FAF1: variants seen among roughly 807,000 people sequenced by gnomAD.
FAF1 encodes FAS-associated factor 1.
A neutral mutation model predicts 92.5 loss-of-function variants in FAF1; 25 were observed. The ratio of observed to expected loss-of-function variants is 0.27; its 90% CI spans 0.20 to 0.38. FAF1 has a LOEUF of 0.38. FAF1 is among the 10% of genes least tolerant of loss of function. The pLI is 1.00. For missense variants in FAF1, 636 were observed against 793.3 expected (o/e 0.80, Z 2.38); for synonymous variants, 234 against 273.2 (o/e 0.86, Z 1.42).
intron 7 of FAF1, among the ~76,000 whole-genome samples, chr1:50,671,515 C>T (rs1360939882): frequency 6.6e-6 from 1 of 152,068 alleles, no homozygotes; most frequent in African/African-American, 2.4e-5. Flanking sequence ...AGCATGATTA[C>T]ATTGAATTAG....
intron 1 of FAF1, among the ~76,000 whole-genome samples, chr1:50,927,883 T>C (rs1645018457): frequency 1.3e-5 from 2 of 152,186 alleles, no homozygotes. Context: ...TCTCCTCTTT[T>C]TCTTTTTTCT....
At chr1:50,937,218 G>C (rs528853555) in intron 1 of FAF1, among the ~76,000 whole-genome samples, 14 of 152,156 alleles carry the variant, frequency 9.2e-5, no homozygotes, top group African/African-American at 3.4e-4. Flanking sequence ...ACAACTAGGT[G>C]AAAGTCCACT....
chr1:50,932,782 C>T (rs1020258391), intron 1 of FAF1, among the ~76,000 whole-genome samples: 2 of 152,238 alleles, frequency 1.3e-5, no homozygotes, highest in African/African-American at 4.8e-5. Flanking sequence ...AGGTTCTCCA[C>T]GAGAGCCCCA....
chr1:50,709,982 C>T (rs1293653837), intron 6 of FAF1, among the ~76,000 whole-genome samples: 1 of 152,042 alleles, frequency 6.6e-6, no homozygotes, highest in East Asian at 1.9e-4. Context: ...TATTAAGAAA[C>T]GTGTTAGAAA....
intron 8 of FAF1, chr1:50,612,476 T>C: frequency 1.1e-5 from 12 of 1,078,904 alleles, no homozygotes; most frequent in Non-Finnish European, 1.4e-5. Context: ...TATGCAAGGA[T>C]ACATCTCAAG....
At chr1:50,497,822 A>G (rs1448949385) in intron 15 of FAF1, among the ~76,000 whole-genome samples, 1 of 152,132 alleles carries the variant, frequency 6.6e-6, no homozygotes, top group African/African-American at 2.4e-5. Flanking sequence ...TGCTGGGATT[A>G]CAGGTGTGTG....
chr1:50,468,130 G>A (rs761934755), intron 18 of FAF1, among the ~76,000 whole-genome samples: 1 of 152,062 alleles, frequency 6.6e-6, no homozygotes, highest in South Asian at 2.1e-4. Flanking sequence ...GATCACTTGA[G>A]CACAGGAGGC....
intron 15 of FAF1, among the ~76,000 whole-genome samples, chr1:50,497,136 TA>T (rs933648573): frequency 2.0e-5 from 3 of 150,068 alleles, no homozygotes; most frequent in East Asian, 3.9e-4. Context: ...AAGTTAATAA[TA>T]AAAAAAAATC....
At chr1:50,656,887 G>C (rs1305765437) in intron 7 of FAF1, among the ~76,000 whole-genome samples, 1 of 151,844 alleles carries the variant, frequency 6.6e-6, no homozygotes, top group Non-Finnish European at 1.5e-5. Flanking sequence ...TGTCTCAAAA[G>C]AAAATAATAA....
At chr1:50,865,281 G>A (rs1254476812) in intron 1 of FAF1, among the ~76,000 whole-genome samples, 6 of 152,004 alleles carry the variant, frequency 3.9e-5, no homozygotes, top group Non-Finnish European at 7.4e-5. Flanking sequence ...ACAGTGTGGC[G>A]ATTCCTCAGG....
chr1:50,900,770 T>C (rs898855465), intron 1 of FAF1, among the ~76,000 whole-genome samples: 5 of 152,210 alleles, frequency 3.3e-5, no homozygotes, highest in African/African-American at 1.2e-4. Context: ...TCAGTACTAA[T>C]ATATAGTATA....
intron 7 of FAF1, among the ~76,000 whole-genome samples, chr1:50,693,139 C>A (rs1182661203): frequency 6.6e-6 from 1 of 152,182 alleles, no homozygotes; most frequent in African/African-American, 2.4e-5. Flanking sequence ...CATTACCTAA[C>A]CCAAAAACCA....
chr1:50,664,993 T>C (rs1247783469), intron 7 of FAF1, among the ~76,000 whole-genome samples: 2 of 152,054 alleles, frequency 1.3e-5, no homozygotes, highest in Non-Finnish European at 2.9e-5. Context: ...GCTTAGTAAA[T>C]AATATGAAAA....
At chr1:50,955,536 T>G (rs1645258510) in intron 1 of FAF1, among the ~76,000 whole-genome samples, 1 of 152,174 alleles carries the variant, frequency 6.6e-6, no homozygotes, top group Non-Finnish European at 1.5e-5. Context: ...TTCTCTCCAT[T>G]CAAAATTTTG....
Position 50,818,718 on chromosome 1 carries a change from T to C in FAF1, c.115-17041A>G, listed in dbSNP as rs901485542. Among the ~76,000 whole-genome samples, 7 of 152,052 alleles carry C rather than the reference T, an allele frequency of 4.6e-5. No individual in the cohort carries two copies. In the East Asian group the frequency reaches 5.8e-4, roughly 13 times the overall value. On this transcript the variant is annotated intron_variant, in intron 2 of 18. Transcript: ENST00000396153. Reference sequence around the variant, plus strand: ...TTGGATTTTTTCAGATTTTGGAATATGCGCAGACCCACAATAAGAAATCTT... The same window carrying C: ...TTGGATTTTTTCAGATTTTGGAATACGCGCAGACCCACAATAAGAAATCTT...
At chr1:50,805,602 AT>A (rs1177891956) in intron 2 of FAF1, among the ~76,000 whole-genome samples, 1 of 152,230 alleles carries the variant, frequency 6.6e-6, no homozygotes, top group Non-Finnish European at 1.5e-5. Flanking sequence ...TCACTGGTAA[AT>A]TGGTAGATTA....
At chr1:50,563,697 CCAA>C (rs1397147055) in intron 13 of FAF1, among the ~76,000 whole-genome samples, 1 of 152,124 alleles carries the variant, frequency 6.6e-6, no homozygotes, top group African/African-American at 2.4e-5. Context: ...TTTACTGAAA[CCAA>C]CAAAATGAAT....
intron 3 of FAF1, among the ~76,000 whole-genome samples, chr1:50,791,429 GT>G (rs1440702864): frequency 6.6e-6 from 1 of 152,178 alleles, no homozygotes; most frequent in Non-Finnish European, 1.5e-5. Flanking sequence ...ATGGTTTCCT[GT>G]TAGATTCTAC....
At chr1:50,866,477 A>G (rs1644482770) in intron 1 of FAF1, among the ~76,000 whole-genome samples, 1 of 152,160 alleles carries the variant, frequency 6.6e-6, no homozygotes, top group South Asian at 2.1e-4. Context: ...GATATGATAA[A>G]TGAATTCAGT....
Sources: allele counts gnomAD v4.1 joint callset (sites outside exome capture counted in the v4.1 genomes callset), GRCh38; gene constraint gnomAD v4.1.1; transcripts MANE v1.5; gene names NCBI Gene and HGNC (gene_info 2026-07-23, HGNC 2026-07-21).